MOBP: variants seen among roughly 807,000 people sequenced by gnomAD.
The protein encoded by MOBP is myelin-associated oligodendrocyte basic protein.
Under a neutral mutation model 15.0 loss-of-function variants are expected in MOBP, and 5 were observed. The observed-to-expected ratio is 0.33, with a 90% CI of 0.17 to 0.70. MOBP has a LOEUF of 0.70. Among genes scored for constraint, MOBP ranks in the 30% least tolerant of loss-of-function variants. The pLI is 0.67. For missense variants in MOBP, 188 were observed against 257.8 expected, an observed-to-expected ratio of 0.73 and a Z score of 1.85; for synonymous variants, 88 against 99.0, an observed-to-expected ratio of 0.89 and a Z score of 0.66.
At chr3:39,513,713 T>G (rs1390756928) in exon 5 of MOBP, 2 of 396,724 alleles carry the variant, frequency 5.0e-6, no homozygotes, top group African/African-American at 2.0e-5. Flanking sequence ...CTGCAGTCCT[T>G]TCTTCTCCAG....
chr3:39,521,532 C>T (rs2043266926), intron 3 of MOBP, among the ~76,000 whole-genome samples: 1 of 152,152 alleles, frequency 6.6e-6, no homozygotes, highest in Non-Finnish European at 1.5e-5. Flanking sequence ...TGGAACCCTG[C>T]AGCACTAAAC....
intron 4 of MOBP, among the ~76,000 whole-genome samples, chr3:39,511,968 C>T (rs1264808982): frequency 1.3e-5 from 2 of 152,156 alleles, no homozygotes; most frequent in Non-Finnish European, 2.9e-5. Flanking sequence ...TCACATTTTT[C>T]CCATCTGTAA....
intron 2 of MOBP, among the ~76,000 whole-genome samples, chr3:39,496,486 A>G (rs1261967290): frequency 6.8e-6 from 1 of 146,116 alleles, no homozygotes; most frequent in African/African-American, 2.6e-5. Context: ...GGCGTGAGCC[A>G]CCACGCCTGG....
rs185672849 is a variant in MOBP, at chr3:39,489,323, G to A, written c.-5+9200G>A. 1.4e-3 allele frequency among the ~76,000 whole-genome samples: 213 copies of A among 152,258 alleles called. 1 individual carries two copies. In the South Asian group the frequency reaches 0.016, roughly 11 times the overall value. The stretch of plus-strand genomic sequence containing the variant: ...ATACATTGGATATACTACTCATGGG[G>A]TAAGAGATAGTCTGTTAATGTCTTC... On this transcript the variant is annotated intron_variant, in intron 2 of 3. Coordinates refer to ENST00000684792, the MANE Select transcript of MOBP (RefSeq NM_001393704.1).
In MOBP at chr3:39,493,289, C is replaced by A. The variant is rs1056052521; in HGVS notation, c.-4-8777C>A. Among the ~76,000 whole-genome samples the A allele has an allele frequency of 2.0e-5, 3 of 152,134 alleles. 1 individual carries two copies. In the South Asian group the frequency reaches 6.2e-4, roughly 32 times the overall value. On this transcript the variant is annotated intron_variant, in intron 2 of 3. Coordinates refer to ENST00000684792, the MANE Select transcript of MOBP (RefSeq NM_001393704.1). ...ACTAGTGGTTACATAGAGCTTAATGCCACCCCTAGGACGTGTAATGAAATG... is the reference window on the plus strand; with the variant it reads ...ACTAGTGGTTACATAGAGCTTAATGACACCCCTAGGACGTGTAATGAAATG...
At chr3:39,484,060 A>G (rs1477069212) in intron 2 of MOBP, among the ~76,000 whole-genome samples, 3 of 152,238 alleles carry the variant, frequency 2.0e-5, no homozygotes, top group Non-Finnish European at 4.4e-5. Flanking sequence ...GATCACAGAC[A>G]TATAGCCACA....
At chr3:39,510,362 A>G (rs1197479172) in intron 4 of MOBP, among the ~76,000 whole-genome samples, 2 of 152,130 alleles carry the variant, frequency 1.3e-5, no homozygotes, top group Non-Finnish European at 2.9e-5. Context: ...ATTCTACAAT[A>G]TATTATGGTA....
At chr3:39,489,116 C>T (rs1303609449) in intron 2 of MOBP, among the ~76,000 whole-genome samples, 1 of 152,200 alleles carries the variant, frequency 6.6e-6, no homozygotes, top group African/African-American at 2.4e-5. Context: ...AGTCTCAAGG[C>T]CTCTGTCTGT....
Position 39,469,126 on chromosome 3 carries a change from A to G in MOBP, c.-89+1386A>G, listed in dbSNP as rs572939734. 8.8e-4 allele frequency among the ~76,000 whole-genome samples: 70 copies of G among 79,708 alleles called. 21 individuals carry two copies. Among genetic ancestry groups the G allele is most frequent in the African/African-American group, 2.8e-3 (26 of 9,406 alleles). 52.3% of individuals were successfully genotyped at this position (79,708 alleles called of 152,430 possible). On this transcript the variant is annotated intron_variant, in intron 1 of 3. Transcript: ENST00000684792. Reference sequence around the variant, plus strand: ...TGTGTGTGTATATATACATATATACATATGTGTGTGTATATACATATATAC... The same window carrying G: ...TGTGTGTGTATATATACATATATACGTATGTGTGTGTATATACATATATAC...
In MOBP at chr3:39,502,316, C is replaced by A; in HGVS notation, c.206+41C>A. On this transcript the variant is annotated intron_variant, in intron 3 of 3. Transcript: ENST00000684792. The surrounding 1 kb of genome is among the most constrained non-coding windows in gnomAD (Gnocchi z 6.3). ...GCCCCGCGGCACCAGTTGGGCACAGCGCGTGGTCTCGGCTCCCAGCACGCC... is the reference window on the plus strand; with the variant it reads ...GCCCCGCGGCACCAGTTGGGCACAGAGCGTGGTCTCGGCTCCCAGCACGCC... The A allele has an allele frequency of 6.2e-7, 1 of 1,610,882 alleles. No homozygotes were observed. Among genetic ancestry groups the A allele is most frequent in the Non-Finnish European group, 8.5e-7 (1 of 1,178,498 alleles).
intron 1 of MOBP, among the ~76,000 whole-genome samples, chr3:39,468,856 AGTGTGTATATATACATATATACATATGT>A (rs1439578169): frequency 4.6e-5 from 4 of 86,426 alleles, no homozygotes; most frequent in South Asian, 3.6e-4. Context: ...TATATACATG[AGTGTGTATATATACATATATACATATGT>A]GTGTGTATAT....
At chr3:39,507,172 C>G (rs977078837), downstream of MOBP, among the ~76,000 whole-genome samples, 1 of 152,178 alleles carries the variant, frequency 6.6e-6, no homozygotes, top group Admixed American at 6.5e-5. Context: ...AATATGTGAG[C>G]CTATTCACTC....
chr3:39,478,102 T>C (rs1326663233), intron 1 of MOBP, among the ~76,000 whole-genome samples: 1 of 152,238 alleles, frequency 6.6e-6, no homozygotes, highest in African/African-American at 2.4e-5. Context: ...GGTGGTACAC[T>C]GTAATGTCCT....
At chr3:39,509,973 T>C (rs1229904992) in intron 4 of MOBP, among the ~76,000 whole-genome samples, 2 of 152,134 alleles carry the variant, frequency 1.3e-5, no homozygotes, top group Non-Finnish European at 2.9e-5. Context: ...GTATTATCCA[T>C]TTTAAGTTAA....
intron 4 of MOBP, among the ~76,000 whole-genome samples, chr3:39,511,962 A>T (rs1042484979): frequency 7.2e-5 from 11 of 152,202 alleles, no homozygotes; most frequent in African/African-American, 2.7e-4. Flanking sequence ...TCTAAGTCAC[A>T]TTTTTCCCAT....
chr3:39,491,043 C>G (rs932350195), intron 2 of MOBP, among the ~76,000 whole-genome samples: 50 of 152,144 alleles, frequency 3.3e-4, no homozygotes, highest in African/African-American at 1.1e-3. Context: ...ATTCTGTGTC[C>G]TATGGAGTAC....
At chr3:39,522,607 A>G (rs1456082961) in intron 3 of MOBP, among the ~76,000 whole-genome samples, 26 of 152,248 alleles carry the variant, frequency 1.7e-4, no homozygotes, top group Non-Finnish European at 7.3e-5. Context: ...GCTACAACAA[A>G]CAGACTTTGC....
chr3:39,527,999 G>A (rs571346328), downstream of MOBP: 26 of 152,304 alleles, frequency 1.7e-4, no homozygotes, highest in Admixed American at 1.6e-3. Context: ...TTTTGGGGTG[G>A]TGGCAGTGAA....
chr3:39,478,456 G>C (rs1204273213), intron 1 of MOBP, among the ~76,000 whole-genome samples: 1 of 152,120 alleles, frequency 6.6e-6, no homozygotes, highest in East Asian at 1.9e-4. Flanking sequence ...TCAGGATTTA[G>C]CCCTGTCATT....
Sources: gnomAD v4.1 joint callset for allele counts (sites outside exome capture counted in the v4.1 genomes callset) on GRCh38, gnomAD v4.1.1 for gene constraint, Gnocchi (gnomAD v3.1) non-coding constraint, MANE v1.5 for transcripts, NCBI Gene and HGNC (gene_info 2026-07-23, HGNC 2026-07-21) for gene names.